Variants in RHOU observed in about 807,000 individuals in gnomAD.
The protein encoded by RHOU is ras homolog family member U.
In RHOU, 8 loss-of-function variants were observed where a neutral mutation model predicts 12.6. That is an observed-to-expected ratio of 0.64 (90% CI 0.37 to 1.15). The LOEUF (loss-of-function observed/expected upper bound fraction) is 1.15. RHOU is among the 50% of genes most tolerant of loss of function. The pLI is 0.01. For synonymous variants in RHOU, 161 were observed against 147.4 expected (o/e 1.09, Z -0.67); for missense variants, 258 against 347.0 (o/e 0.74, Z 2.04).
the RHOU span, among the ~76,000 whole-genome samples, chr1:228,702,586 T>C: frequency 7.9e-5 from 12 of 152,152 alleles, 1 homozygote; most frequent in Admixed American, 7.9e-4. Flanking sequence ...AAGCTCACAG[T>C]CAAATCAAGC....
At chr1:228,723,046 G>GCCCCTCTCCCCATT in the RHOU span, among the ~76,000 whole-genome samples, 1 of 152,136 alleles carries the variant, frequency 6.6e-6, no homozygotes, top group Non-Finnish European at 1.5e-5. Context: ...CCTGGTCCCA[G>GCCCCTCTCCCCATT]CCCCTCTCCC....
the RHOU span, among the ~76,000 whole-genome samples, chr1:228,668,887 G>A: frequency 6.6e-6 from 1 of 152,160 alleles, no homozygotes; most frequent in Admixed American, 6.5e-5. Context: ...CTGACTTTCT[G>A]TCCTATCGCA....
At chr1:228,684,485 T>C in the RHOU span, among the ~76,000 whole-genome samples, 1 of 152,140 alleles carries the variant, frequency 6.6e-6, no homozygotes, top group Non-Finnish European at 1.5e-5. Flanking sequence ...TGCACCACCA[T>C]GCCCGGCTAA....
chr1:228,697,269 T>C, the RHOU span, among the ~76,000 whole-genome samples: 219 of 152,324 alleles, frequency 1.4e-3, no homozygotes, highest in African/African-American at 4.9e-3. Context: ...AATGGCAAGT[T>C]GCATATCCTG....
At chr1:228,661,888 A>T in the RHOU span, among the ~76,000 whole-genome samples, 3 of 152,234 alleles carry the variant, frequency 2.0e-5, no homozygotes, top group Non-Finnish European at 4.4e-5. Flanking sequence ...CAGAGTGAAC[A>T]GGTAATCTAC....
At chr1:228,725,807 G>T in the RHOU span, among the ~76,000 whole-genome samples, 1 of 152,136 alleles carries the variant, frequency 6.6e-6, no homozygotes, top group South Asian at 2.1e-4. Flanking sequence ...TAAAGTAGTT[G>T]ATTGTTTAAC....
At chr1:228,721,897 C>T in the RHOU span, among the ~76,000 whole-genome samples, 1 of 152,378 alleles carries the variant, frequency 6.6e-6, no homozygotes, top group East Asian at 1.9e-4. Context: ...AGGTGATCCA[C>T]CTGCCTCAGC....
In RHOU at chr1:228,744,480, A is replaced by G. The variant is rs1419663278; in HGVS notation, c.*740A>G. 4 of 152,216 alleles carry G rather than the reference A, an allele frequency of 2.6e-5. No homozygotes were observed. The highest frequency in any genetic ancestry group is 9.7e-5 in the African/African-American group (4 of 41,442). 9.4% of individuals were successfully genotyped at this position (152,216 alleles called of 1,614,324 possible). A position where few individuals can be genotyped will look rare whatever the true frequency, so the allele number is the denominator to read the frequency against. On this transcript the variant is annotated 3_prime_UTR_variant, in exon 3 of 3. Coordinates refer to ENST00000366691, the MANE Select transcript of RHOU (RefSeq NM_021205.6). ...CGGAGGAAAGCAAGTGTTGGTCAGT[A>G]GTTTCATGTTTTAGGGAGTGGTTCC...
At chr1:228,668,683 C>G in the RHOU span, among the ~76,000 whole-genome samples, 1 of 152,198 alleles carries the variant, frequency 6.6e-6, no homozygotes, top group South Asian at 2.1e-4. Flanking sequence ...AGAGCTTTGT[C>G]TTAGAATCGA....
At chr1:228,689,820 G>A in the RHOU span, among the ~76,000 whole-genome samples, 83 of 151,946 alleles carry the variant, frequency 5.5e-4, 2 homozygotes, top group African/African-American at 1.9e-3. Flanking sequence ...CCCCTAGTTC[G>A]TGGAAAAATT....
Position 228,735,954 on chromosome 1 carries a change from C to T in RHOU, c.212C>T (p.Thr71Ile), listed in dbSNP as rs1219668312. The T allele has an allele frequency of 1.3e-5, 20 of 1,582,586 alleles. No individual in the cohort carries two copies. The highest frequency in any genetic ancestry group is 1.7e-5 in the Non-Finnish European group (20 of 1,168,302). The change falls in exon 1 of 3, where the codon ACC (threonine) becomes ATC (isoleucine). Residue 71 changes from threonine (T) to isoleucine (I), a missense_variant. Thr to Ile is a moderately conservative substitution (Grantham distance 89). Coordinates refer to ENST00000366691, the MANE Select transcript of RHOU (RefSeq NM_021205.6). The surrounding 1 kb of genome is among the most constrained non-coding windows in gnomAD (Gnocchi z 8.1). ...ACGAGCCTGGTGGTGAGCTACACCACCAACGGCTACCCCACCGAGTACATC... is the reference window on the plus strand; with the variant it reads ...ACGAGCCTGGTGGTGAGCTACACCATCAACGGCTACCCCACCGAGTACATC... ...GKTSLVVSYTTNGYPTEYIPT... is the reference protein window; with the variant it reads ...GKTSLVVSYTINGYPTEYIPT...
the RHOU span, chr1:228,687,373 A>G: frequency 2.3e-6 from 2 of 872,002 alleles, no homozygotes; most frequent in Non-Finnish European, 3.9e-6. Flanking sequence ...ATGTTTTGGT[A>G]CAACTTATAG....
At chr1:228,730,796 G>A (rs1362328416), upstream of RHOU, among the ~76,000 whole-genome samples, 1 of 152,160 alleles carries the variant, frequency 6.6e-6, no homozygotes, top group African/African-American at 2.4e-5. Context: ...CTGCTAAAAT[G>A]AAAGATCCAA....
the RHOU span, among the ~76,000 whole-genome samples, chr1:228,719,451 T>A: frequency 6.6e-6 from 1 of 152,214 alleles, no homozygotes; most frequent in Admixed American, 6.5e-5. Context: ...ATAATTGGGC[T>A]GGGTGTGGTG....
the RHOU span, among the ~76,000 whole-genome samples, chr1:228,707,101 CATACATATATATATATATATAT>C: frequency 1.5e-4 from 12 of 79,548 alleles, 1 homozygote; most frequent in Admixed American, 2.7e-4. Flanking sequence ...GACATATATA[CATACATATATATATATATATAT>C]ATACATATAT....
the RHOU span, among the ~76,000 whole-genome samples, chr1:228,647,108 C>T: frequency 6.6e-6 from 1 of 152,178 alleles, no homozygotes. Context: ...AGGCAGCCCC[C>T]TTTTGAGCAG....
chr1:228,735,898 C>A lies in RHOU; in HGVS notation c.156C>A (p.Cys52Ter). 2 of 1,549,764 alleles carry A rather than the reference C, an allele frequency of 1.3e-6. No homozygotes were observed. Among genetic ancestry groups the A allele is most frequent in the Non-Finnish European group, 1.7e-6 (2 of 1,154,174 alleles). Residue 52 changes from cysteine (C) to a stop codon, truncating the protein, a stop_gained, in exon 1 of 3, where the codon TGC (cysteine) becomes TGA (stop). Coordinates refer to ENST00000366691, the MANE Select transcript of RHOU (RefSeq NM_021205.6). LOFTEE classifies it high-confidence loss of function. The surrounding 1 kb of genome is among the most constrained non-coding windows in gnomAD (Gnocchi z 8.1). Reference protein sequence around the residue: ...AGGAEGRGVKCVLVGDGAVGK... With the variant: ...AGGAEGRGVK ...GTGCCGAGGGGCGCGGCGTCAAGTG[C>A]GTGCTGGTCGGCGACGGCGCGGTGG...
chr1:228,676,570 T>C, the RHOU span, among the ~76,000 whole-genome samples: 2 of 152,148 alleles, frequency 1.3e-5, no homozygotes, highest in Non-Finnish European at 2.9e-5. Flanking sequence ...GTCACACACG[T>C]CCATGTGAGG....
chr1:228,735,933 G>T lies in RHOU; in HGVS notation c.191G>T (p.Ser64Ile). 6.4e-7 allele frequency: 1 copy of T among 1,574,362 alleles called. No individual in the cohort carries two copies. ...LVGDGAVGKT[S>I]LVVSYTTNGY... ...GGCGACGGCGCGGTGGGCAAGACGA[G>T]CCTGGTGGTGAGCTACACCACCAAC... Residue 64 changes from serine to isoleucine, a missense_variant, in exon 1 of 3, where the codon AGC (serine) becomes ATC (isoleucine). By Grantham distance (142) the Ser-to-Ile change is moderately radical. Coordinates refer to ENST00000366691, the MANE Select transcript of RHOU (RefSeq NM_021205.6). The surrounding 1 kb of genome is among the most constrained non-coding windows in gnomAD (Gnocchi z 8.1).
Sources: gnomAD v4.1 joint callset for allele counts (sites outside exome capture counted in the v4.1 genomes callset) on GRCh38, gnomAD v4.1.1 for gene constraint, Gnocchi (gnomAD v3.1) non-coding constraint, MANE v1.5 for transcripts, NCBI Gene and HGNC (gene_info 2026-07-23, HGNC 2026-07-21) for gene names.